NTRK2: variants seen among roughly 807,000 people sequenced by gnomAD.
The protein encoded by NTRK2 is BDNF/NT-3 growth factors receptor.
A neutral mutation model predicts 94.5 loss-of-function variants in NTRK2; 13 were observed. The ratio of observed to expected loss-of-function variants is 0.14; its 90% CI spans 0.09 to 0.22. The LOEUF is 0.22. NTRK2 is among the 10% of genes least tolerant of loss of function. The probability of loss-of-function intolerance (pLI) is 1.00; values close to 1 mark genes in which losing one functional copy is unlikely to be tolerated. For synonymous variants in NTRK2, 372 were observed against 407.4 expected (o/e 0.91, Z 1.05); for missense variants, 639 against 1,071.2 (o/e 0.60, Z 5.63).
At position 84,797,602 on chromosome 9, in the gene NTRK2, T is replaced by A. The variant is rs559513646; in HGVS notation, c.1396+45517T>A. ...TTATATATACTATATATACTATATATTATATATAATATATATACTATATAT... is the reference window on the plus strand; with the variant it reads ...TTATATATACTATATATACTATATAATATATATAATATATATACTATATAT... On this transcript the variant is annotated intron_variant, in intron 12 of 18. Coordinates refer to ENST00000277120, the MANE Select transcript of NTRK2 (RefSeq NM_006180.6). 6.8e-4 allele frequency among the ~76,000 whole-genome samples: 55 copies of A among 80,794 alleles called. 1 individual carries two copies. In the East Asian group the frequency reaches 0.011, roughly 17 times the overall value. 53.0% of individuals were successfully genotyped at this position (80,794 alleles called of 152,430 possible).
intron 4 of NTRK2, 88 bp from the exon 5 acceptor site, chr9:84,707,756 T>C (rs1353134274): frequency 2.0e-6 from 2 of 1,009,498 alleles, no homozygotes; most frequent in African/African-American, 3.2e-5. Flanking sequence ...AATAAAATTA[T>C]ATTTTGAAAA....
intron 12 of NTRK2, among the ~76,000 whole-genome samples, chr9:84,844,650 C>CAT (rs1491199429): frequency 5.1e-4 from 1 of 1,970 alleles, no homozygotes; most frequent in African/African-American, 1.0e-3. Flanking sequence ...ATACCTCACT[C>CAT]ACACACACAC....
At chr9:84,800,476 C>CAA (rs1252714207) in intron 12 of NTRK2, among the ~76,000 whole-genome samples, 1 of 152,234 alleles carries the variant, frequency 6.6e-6, no homozygotes, top group Non-Finnish European at 1.5e-5. Flanking sequence ...GCTGGGATTA[C>CAA]AGATGTGGGC....
intron 12 of NTRK2, among the ~76,000 whole-genome samples, chr9:84,845,411 A>G (rs1010886094): frequency 2.6e-5 from 4 of 152,224 alleles, no homozygotes; most frequent in Non-Finnish European, 4.4e-5. Context: ...AATAAACCCA[A>G]AGAGGAAGAG....
chr9:84,892,806 C>T (rs1300394155), intron 14 of NTRK2, among the ~76,000 whole-genome samples: 1 of 152,024 alleles, frequency 6.6e-6, no homozygotes, highest in South Asian at 2.1e-4. Context: ...CCTGTAATCC[C>T]AGCTACTCGG....
chr9:85,010,310 TC>T (rs1252693332), intron 17 of NTRK2, among the ~76,000 whole-genome samples: 1 of 152,172 alleles, frequency 6.6e-6, no homozygotes, highest in Admixed American at 6.5e-5. Flanking sequence ...CACATATTGA[TC>T]CTATTTTCCT....
At chr9:84,902,209 T>C (rs1056088234) in intron 14 of NTRK2, among the ~76,000 whole-genome samples, 5 of 150,402 alleles carry the variant, frequency 3.3e-5, no homozygotes, top group African/African-American at 9.8e-5. Flanking sequence ...AAAAAAAAAT[T>C]AAAAATTAAA....
chr9:84,835,878 C>T (rs950130612), intron 12 of NTRK2, among the ~76,000 whole-genome samples: 2 of 152,168 alleles, frequency 1.3e-5, no homozygotes, highest in African/African-American at 2.4e-5. Context: ...GCCAGCAAAT[C>T]CTAATCTAAT....
At chr9:84,711,462 T>C (rs986522845) in intron 6 of NTRK2, among the ~76,000 whole-genome samples, 1 of 152,222 alleles carries the variant, frequency 6.6e-6, no homozygotes, top group African/African-American at 2.4e-5. Context: ...TAGCAAAGTG[T>C]TCTGCTTAGG....
intron 12 of NTRK2, among the ~76,000 whole-genome samples, chr9:84,837,047 A>G (rs1200333300): frequency 6.6e-6 from 1 of 151,214 alleles, no homozygotes; most frequent in Non-Finnish European, 1.5e-5. Context: ...TACCCAGAAC[A>G]ATTCCTGGCA....
chr9:84,986,887 A>G (rs1327080117), intron 17 of NTRK2, among the ~76,000 whole-genome samples: 1 of 152,244 alleles, frequency 6.6e-6, no homozygotes, highest in Non-Finnish European at 1.5e-5. Flanking sequence ...ACGTTCTAAC[A>G]TACATCTAGA....
intron 12 of NTRK2, among the ~76,000 whole-genome samples, chr9:84,762,163 G>A (rs927608464): frequency 6.6e-6 from 1 of 152,138 alleles, no homozygotes; most frequent in Non-Finnish European, 1.5e-5. Context: ...CGTTAAACCT[G>A]TTTCCTTTAT....
intron 12 of NTRK2, among the ~76,000 whole-genome samples, chr9:84,851,374 C>T (rs1219968382): frequency 2.0e-5 from 3 of 152,106 alleles, no homozygotes; most frequent in Non-Finnish European, 2.9e-5. Context: ...ATAGTTAATT[C>T]GTTTGACCAG....
chr9:84,936,317 T>C (rs192257977), intron 15 of NTRK2, among the ~76,000 whole-genome samples: 58 of 152,330 alleles, frequency 3.8e-4, no homozygotes, highest in Middle Eastern at 3.4e-3. Context: ...CCTCAGCTTA[T>C]GTGTTATATT....
At chr9:85,009,406 A>G (rs770764646) in intron 17 of NTRK2, among the ~76,000 whole-genome samples, 7 of 152,244 alleles carry the variant, frequency 4.6e-5, no homozygotes, top group Admixed American at 2.6e-4. Flanking sequence ...GCACAGGGCT[A>G]CACTACAGTG....
At chr9:85,013,169 C>T (rs1042674547) in intron 17 of NTRK2, among the ~76,000 whole-genome samples, 6 of 152,104 alleles carry the variant, frequency 3.9e-5, no homozygotes, top group African/African-American at 9.7e-5. Context: ...ACAAAGTATC[C>T]CCTGATTGAA....
In NTRK2 at chr9:85,021,455, C is replaced by A. The variant is rs200749046; in HGVS notation, c.*18C>A. ...TAGGCTAGGGCCCTTTTCCCCAGAC[C>A]GATCCTTCCCAACGTACTCCTCAGA... is the stretch of plus-strand genomic sequence containing the variant. On this transcript the variant is annotated 3_prime_UTR_variant, in exon 19 of 19. Transcript: ENST00000277120. 4 of 1,613,262 alleles carry A rather than the reference C, an allele frequency of 2.5e-6. No homozygotes were observed. The South Asian group carries it at 4.4e-5, about 18-fold the overall frequency.
At chr9:84,766,186 A>G (rs1403814546) in intron 12 of NTRK2, among the ~76,000 whole-genome samples, 1 of 152,268 alleles carries the variant, frequency 6.6e-6, no homozygotes, top group East Asian at 1.9e-4. Flanking sequence ...CTCTGCTACG[A>G]TGACACTGGG....
Position 84,670,611 on chromosome 9 carries a change from G to A in NTRK2, c.-138G>A, listed in dbSNP as rs1554685373. 5 of 850,998 alleles carry A rather than the reference G, an allele frequency of 5.9e-6. No homozygotes were observed. The highest frequency in any genetic ancestry group is 9.7e-6 in the Non-Finnish European group (5 of 514,862). 52.7% of individuals were successfully genotyped at this position (850,998 alleles called of 1,614,324 possible). A position where few individuals can be genotyped will look rare whatever the true frequency, so the allele number is the denominator to read the frequency against. Reference sequence around the variant, plus strand: ...TCCGGACCAGCTCAGCCTCTGATAAGCTGGACTCGGCACGCCCGCAACAAG... The same window carrying A: ...TCCGGACCAGCTCAGCCTCTGATAAACTGGACTCGGCACGCCCGCAACAAG... On this transcript the variant is annotated 5_prime_UTR_variant, in exon 2 of 19. Transcript: ENST00000277120.
Sources: allele counts gnomAD v4.1 joint callset (sites outside exome capture counted in the v4.1 genomes callset), GRCh38; gene constraint gnomAD v4.1.1; transcripts MANE v1.5; gene names NCBI Gene and HGNC (gene_info 2026-07-23, HGNC 2026-07-21).